GLCCI1: variants seen among roughly 807,000 people sequenced by gnomAD.
The protein encoded by GLCCI1 is glucocorticoid induced 1.
Under a neutral mutation model 52.2 loss-of-function variants are expected in GLCCI1, and 24 were observed. The ratio of observed to expected loss-of-function variants is 0.46; its 90% CI spans 0.33 to 0.65. GLCCI1 has a LOEUF of 0.65. Among genes scored for constraint, GLCCI1 ranks in the 30% least tolerant of loss-of-function variants. The probability of loss-of-function intolerance (pLI) is 0.02; values close to 1 mark genes in which losing one functional copy is unlikely to be tolerated. For synonymous variants in GLCCI1, 310 were observed against 276.5 expected (o/e 1.12, Z -1.20); for missense variants, 704 against 701.5 (o/e 1.00, Z -0.04).
chr7:7,969,524 C>T lies in GLCCI1; in HGVS notation c.174C>T (p.Gly58=). 1.0e-5 allele frequency: 10 copies of T among 991,562 alleles called. No individual in the cohort carries two copies. The highest frequency in any genetic ancestry group is 1.2e-5 in the Non-Finnish European group (10 of 835,298). The allele number at this position is 991,562 out of a possible 1,614,324, so 61.4% of individuals were successfully genotyped here. The part of the protein sequence containing the change: ...GVGCAPAAGA[G]RLLQPIRATV... ...GCTGCGCCCCGGCTGCGGGAGCCGG[C>T]CGGCTGCTGCAGCCCATCCGCGCCA... The change falls in exon 1 of 8, where the codon GGC becomes GGT. Residue 58 remains glycine (G), a synonymous_variant. Transcript: ENST00000223145. The surrounding 1 kb of genome is among the most constrained non-coding windows in gnomAD (Gnocchi z 4.9).
At chr7:8,026,424 A>G (rs1186781418) in intron 3 of GLCCI1, among the ~76,000 whole-genome samples, 2 of 152,262 alleles carry the variant, frequency 1.3e-5, no homozygotes, top group South Asian at 2.1e-4. Context: ...CTAAATTTTA[A>G]CAACTATCTG....
At position 8,053,197 on chromosome 7, in the gene GLCCI1, C is replaced by A. The variant is rs1283923881; in HGVS notation, c.697-2236C>A. ...CATTTAATTGCATAAATGCTTTAAT[C>A]TTCTCTTGGTGACTATGCTTATTAC... is the stretch of plus-strand genomic sequence containing the variant. On this transcript the variant is annotated intron_variant, in intron 3 of 7. Transcript: ENST00000223145. 2.6e-5 allele frequency among the ~76,000 whole-genome samples: 4 copies of A among 151,664 alleles called. No individual in the cohort carries two copies. The South Asian group carries it at 6.2e-4, about 24-fold the overall frequency.
chr7:8,048,526 C>G (rs1281960714), intron 3 of GLCCI1, among the ~76,000 whole-genome samples: 2 of 152,072 alleles, frequency 1.3e-5, no homozygotes, highest in Non-Finnish European at 2.9e-5. Flanking sequence ...GAGTGTGAGT[C>G]AAATACCAGT....
In GLCCI1 at chr7:8,088,979, TA is replaced by T. The variant is rs1401523992; in HGVS notation, c.*2443del. The T allele has an allele frequency of 6.5e-5, 10 of 152,688 alleles. No individual in the cohort carries two copies. Among genetic ancestry groups the T allele is most frequent in the Admixed American group, 1.3e-4 (2 of 15,288 alleles). The allele number at this position is 152,688 out of a possible 1,614,324, so 9.5% of individuals were successfully genotyped here. Reference sequence around the variant, plus strand: ...GCTGAACAGTATTTGAGTTACCATATAATATGGCTTTACACAAGGAAATGTG... The same window carrying T: ...GCTGAACAGTATTTGAGTTACCATATATATGGCTTTACACAAGGAAATGTG... On this transcript the variant is annotated 3_prime_UTR_variant, in exon 8 of 8. Transcript: ENST00000223145.
intron 2 of GLCCI1, among the ~76,000 whole-genome samples, chr7:8,018,532 G>C (rs536906144): frequency 2.6e-5 from 4 of 152,120 alleles, no homozygotes; most frequent in Non-Finnish European, 1.5e-5. Flanking sequence ...TATTCCCTTT[G>C]TATTTTACTT....
chr7:8,058,895 G>T (rs1051047901), intron 4 of GLCCI1, among the ~76,000 whole-genome samples: 2 of 152,140 alleles, frequency 1.3e-5, no homozygotes, highest in African/African-American at 2.4e-5. Context: ...TATTTTGTAT[G>T]TTTCATGTAT....
At chr7:8,006,014 T>A (rs1479081388) in intron 2 of GLCCI1, among the ~76,000 whole-genome samples, 3 of 152,144 alleles carry the variant, frequency 2.0e-5, no homozygotes, top group African/African-American at 7.2e-5. Flanking sequence ...GTCAAGCTGG[T>A]CTCGAACTCC....
intron 2 of GLCCI1, among the ~76,000 whole-genome samples, chr7:8,012,548 C>T (rs1781288385): frequency 6.8e-6 from 1 of 147,250 alleles, no homozygotes; most frequent in Admixed American, 7.0e-5. Flanking sequence ...GGGTTCATGC[C>T]ATTCTCCTGC....
rs370524335 is a variant in GLCCI1, at chr7:8,067,555, A to G, written c.967-3366A>G. On this transcript the variant is annotated intron_variant, in intron 5 of 7. Transcript: ENST00000223145. ...TAGCAGTCCTTTCAGGACCTCTTGT[A>G]AGGCAGGTCTGGTAGTAATGAATTC... Among the ~76,000 whole-genome samples the G allele has an allele frequency of 2.7e-3, 409 of 152,268 alleles. 2 individuals carry two copies. Among genetic ancestry groups the G allele is most frequent in the African/African-American group, 9.2e-3 (382 of 41,552 alleles).
chr7:7,973,713 C>T (rs1489260034), intron 1 of GLCCI1, among the ~76,000 whole-genome samples: 1 of 152,020 alleles, frequency 6.6e-6, no homozygotes, highest in East Asian at 1.9e-4. Context: ...TCATGAGTAT[C>T]TTGAGAGCCT....
chr7:8,011,360 A>G (rs1781258858), intron 2 of GLCCI1, among the ~76,000 whole-genome samples: 1 of 152,080 alleles, frequency 6.6e-6, no homozygotes, highest in African/African-American at 2.4e-5. Flanking sequence ...GTCTCTGTGA[A>G]TATACTCTAG....
chr7:7,971,030 T>G (rs557242756), intron 1 of GLCCI1, among the ~76,000 whole-genome samples: 1 of 152,362 alleles, frequency 6.6e-6, no homozygotes, highest in Admixed American at 6.5e-5. Context: ...GTTTTTGTTT[T>G]AATATTTCAG....
Position 7,969,617 on chromosome 7 carries a change from C to A in GLCCI1, c.267C>A (p.Ala89=). 9.7e-7 allele frequency: 1 copy of A among 1,027,962 alleles called. No homozygotes were observed. Among genetic ancestry groups the A allele is most frequent in the African/African-American group, 1.7e-5 (1 of 57,490 alleles). The allele number at this position is 1,027,962 out of a possible 1,614,324, so 63.7% of individuals were successfully genotyped here. Residue 89 remains alanine (A), a synonymous_variant, in exon 1 of 8, where the codon GCC becomes GCA. Coordinates refer to ENST00000223145, the MANE Select transcript of GLCCI1 (RefSeq NM_138426.4). The surrounding 1 kb of genome is among the most constrained non-coding windows in gnomAD (Gnocchi z 4.9). ...CGCGTCCGCCCGTCGCCGCTGCCGC[C>A]GCCTCGCTGGGCAGCCTCCCGGGGC... ...SPTRPPVAAA[A]ASLGSLPGPG...
chr7:7,969,287 C>T lies in GLCCI1; in HGVS notation c.-64C>T, dbSNP rs1160660285. 2 of 1,330,832 alleles carry T rather than the reference C, an allele frequency of 1.5e-6. No homozygotes were observed. The highest frequency in any genetic ancestry group is 1.5e-5 in the South Asian group (1 of 68,822). The allele number at this position is 1,330,832 out of a possible 1,614,324, so 82.4% of individuals were successfully genotyped here. A position where few individuals can be genotyped will look rare whatever the true frequency, so the allele number is the denominator to read the frequency against. ...GCACTATCGCGCCGGCTCCCACACG[C>T]TCGCGCGCCTCCCGCCCCGCGCCTC... On this transcript the variant is annotated 5_prime_UTR_variant, in exon 1 of 8. Transcript: ENST00000223145. This position sits in a 1 kb window ranked among gnomAD's most constrained non-coding sequence, Gnocchi z 4.9.
At chr7:8,020,667 G>GCTAA (rs1466528569) in intron 2 of GLCCI1, among the ~76,000 whole-genome samples, 18 of 152,050 alleles carry the variant, frequency 1.2e-4, no homozygotes, top group Non-Finnish European at 2.4e-4. Flanking sequence ...TGTTGATTTT[G>GCTAA]AATAATTGTG....
intron 1 of GLCCI1, among the ~76,000 whole-genome samples, chr7:7,974,844 C>T (rs1257405885): frequency 1.3e-5 from 2 of 152,110 alleles, no homozygotes; most frequent in Non-Finnish European, 1.5e-5. Flanking sequence ...TCTGGCAGCC[C>T]CTGTCCTAGT....
At chr7:8,008,254 ACT>A (rs1368965761) in intron 2 of GLCCI1, among the ~76,000 whole-genome samples, 1 of 141,918 alleles carries the variant, frequency 7.0e-6, no homozygotes, top group African/African-American at 2.6e-5. Flanking sequence ...CCACTATTCT[ACT>A]CTCTATTTCT....
At chr7:7,994,025 C>G (rs1356107357) in intron 1 of GLCCI1, among the ~76,000 whole-genome samples, 1 of 152,124 alleles carries the variant, frequency 6.6e-6, no homozygotes, top group East Asian at 1.9e-4. Flanking sequence ...TTGTCTTAAT[C>G]TGTTTCGTAT....
rs745966016 is a variant in GLCCI1, at chr7:8,088,954, G to C, written c.*2416G>C. The C allele has an allele frequency of 6.6e-6, 1 of 152,572 alleles. No homozygotes were observed. The highest frequency in any genetic ancestry group is 1.5e-5 in the Non-Finnish European group (1 of 68,034). The allele number at this position is 152,572 out of a possible 1,614,324, so 9.5% of individuals were successfully genotyped here. A position where few individuals can be genotyped will look rare whatever the true frequency, so the allele number is the denominator to read the frequency against. The stretch of plus-strand genomic sequence containing the variant: ...TGTACTGTTTAATTCTAGCCATTGC[G>C]CTGAACAGTATTTGAGTTACCATAT... On this transcript the variant is annotated 3_prime_UTR_variant, in exon 8 of 8. Coordinates refer to ENST00000223145, the MANE Select transcript of GLCCI1 (RefSeq NM_138426.4).
Sources: allele counts gnomAD v4.1 joint callset (sites outside exome capture counted in the v4.1 genomes callset), GRCh38; gene constraint gnomAD v4.1.1; non-coding constraint Gnocchi (gnomAD v3.1); transcripts MANE v1.5; gene names NCBI Gene and HGNC (gene_info 2026-07-23, HGNC 2026-07-21).